The following B3GLCT variants were observed in gnomAD, a reference collection of about 807,000 sequenced individuals.
B3GLCT encodes the protein beta-1,3-glucosyltransferase.
B3GLCT carries 65 observed loss-of-function variants against 63.4 expected under a neutral mutation model. That is an observed-to-expected ratio of 1.03 (90% CI 0.84 to 1.26). The LOEUF (loss-of-function observed/expected upper bound fraction) is 1.26. Among genes scored for constraint, B3GLCT ranks in the 50% most tolerant of loss-of-function variants. The pLI is 0.00. For missense variants in B3GLCT, 577 were observed against 604.8 expected (o/e 0.95, Z 0.48); for synonymous variants, 233 against 219.2 (o/e 1.06, Z -0.55).
intron 7 of B3GLCT, among the ~76,000 whole-genome samples, chr13:31,264,906 G>C (rs1040452697): frequency 6.6e-6 from 1 of 152,198 alleles, no homozygotes; most frequent in Non-Finnish European, 1.5e-5. Flanking sequence ...ATTGGGGTGA[G>C]GTCTGTGGTT....
chr13:31,248,351 C>T (rs947863379), intron 6 of B3GLCT, among the ~76,000 whole-genome samples: 1 of 152,166 alleles, frequency 6.6e-6, no homozygotes, highest in African/African-American at 2.4e-5. Context: ...CAGCTGTATA[C>T]TGAGCACTGT....
intron 3 of B3GLCT, among the ~76,000 whole-genome samples, chr13:31,227,602 C>G (rs1379176589): frequency 6.6e-6 from 1 of 152,158 alleles, no homozygotes; most frequent in African/African-American, 2.4e-5. Context: ...ATTCAGTAGG[C>G]TGTTCAGCAT....
intron 12 of B3GLCT, among the ~76,000 whole-genome samples, chr13:31,309,676 C>T (rs1874600918): frequency 6.6e-6 from 1 of 152,048 alleles, no homozygotes; most frequent in Admixed American, 6.5e-5. Context: ...TGTGGAGCTT[C>T]CTTGCCCCAC....
In B3GLCT at chr13:31,308,356, A is replaced by AC. The variant is rs1246143170; in HGVS notation, c.1065-9210_1065-9209insC. Among the ~76,000 whole-genome samples, 145 of 17,188 alleles carry AC rather than the reference A, an allele frequency of 8.4e-3. 6 individuals carry two copies. Among genetic ancestry groups the AC allele is most frequent in the Admixed American group, 0.045 (49 of 1,090 alleles). The allele number at this position is 17,188 out of a possible 152,430, so 11.3% of individuals were successfully genotyped here. A position where few individuals can be genotyped will look rare whatever the true frequency, so the allele number is the denominator to read the frequency against. ...ATAAAAAAAAAAAAATTAAAAAAAA[A>AC]AAAACAAAAAAAAAAGCTAGTCCCA... On this transcript the variant is annotated intron_variant, in intron 12 of 14. Coordinates refer to ENST00000343307, the MANE Select transcript of B3GLCT (RefSeq NM_194318.4).
intron 12 of B3GLCT, among the ~76,000 whole-genome samples, chr13:31,316,118 A>T (rs1224030969): frequency 2.0e-5 from 3 of 152,058 alleles, no homozygotes; most frequent in African/African-American, 4.8e-5. Flanking sequence ...GGCAGTGCAG[A>T]AGGGAAATGT....
chr13:31,222,074 A>ATTTTT (rs5802597), intron 2 of B3GLCT, among the ~76,000 whole-genome samples: 8 of 92,952 alleles, frequency 8.6e-5, no homozygotes, highest in Non-Finnish European at 1.3e-4. Flanking sequence ...TGTGCTCCTG[A>ATTTTT]TTTTTTTTTT....
At chr13:31,276,385 A>G (rs1445365386) in intron 9 of B3GLCT, among the ~76,000 whole-genome samples, 1 of 152,196 alleles carries the variant, frequency 6.6e-6, no homozygotes, top group Non-Finnish European at 1.5e-5. Flanking sequence ...TATGTGCTTA[A>G]TAAATTATAG....
chr13:31,236,066 G>T (rs552518887), intron 4 of B3GLCT, among the ~76,000 whole-genome samples: 5 of 152,124 alleles, frequency 3.3e-5, no homozygotes, highest in Non-Finnish European at 5.9e-5. Flanking sequence ...GGCATTTCAC[G>T]TATGCACCCC....
intron 13 of B3GLCT, among the ~76,000 whole-genome samples, chr13:31,320,311 T>C (rs943937218): frequency 5.9e-5 from 9 of 152,168 alleles, no homozygotes; most frequent in Non-Finnish European, 8.8e-5. Flanking sequence ...GAGTCCTCAA[T>C]TTAATCTTCT....
intron 14 of B3GLCT, among the ~76,000 whole-genome samples, chr13:31,326,043 A>C (rs1396292000): frequency 6.6e-6 from 1 of 152,186 alleles, no homozygotes; most frequent in Non-Finnish European, 1.5e-5. Context: ...ACTAATGGAC[A>C]TGGCAGTGTG....
At chr13:31,249,203 A>G (rs1430244710) in intron 6 of B3GLCT, among the ~76,000 whole-genome samples, 4 of 152,230 alleles carry the variant, frequency 2.6e-5, no homozygotes, top group African/African-American at 9.6e-5. Flanking sequence ...CCAACCCTGG[A>G]AAGCCTGTTA....
At chr13:31,325,956 G>A (rs1566100975) in intron 14 of B3GLCT, among the ~76,000 whole-genome samples, 1 of 152,174 alleles carries the variant, frequency 6.6e-6, no homozygotes, top group Non-Finnish European at 1.5e-5. Context: ...GGACTCCAGG[G>A]AAAATCTAGT....
intron 8 of B3GLCT, among the ~76,000 whole-genome samples, chr13:31,271,962 G>A (rs988699442): frequency 6.6e-6 from 1 of 152,086 alleles, no homozygotes; most frequent in African/African-American, 2.4e-5. Context: ...TTGTTGACAT[G>A]AATATTTCAA....
chr13:31,281,103 A>G (rs1873046711), intron 10 of B3GLCT, among the ~76,000 whole-genome samples: 1 of 152,118 alleles, frequency 6.6e-6, no homozygotes, highest in Non-Finnish European at 1.5e-5. Flanking sequence ...GTTTGTGTAC[A>G]TGTCTCATGT....
chr13:31,221,348 G>A (rs371401586), intron 2 of B3GLCT, among the ~76,000 whole-genome samples: 71 of 152,338 alleles, frequency 4.7e-4, no homozygotes, highest in African/African-American at 1.7e-3. Context: ...CCTTCCCTGA[G>A]GGCAGGTTGT....
chr13:31,319,144 C>T (rs143801262), intron 13 of B3GLCT, among the ~76,000 whole-genome samples: 4 of 152,320 alleles, frequency 2.6e-5, no homozygotes, highest in Non-Finnish European at 5.9e-5. Context: ...TTTGCAAATA[C>T]ATTGCATAAT....
intron 6 of B3GLCT, among the ~76,000 whole-genome samples, chr13:31,253,300 G>T (rs920452492): frequency 2.0e-5 from 3 of 152,038 alleles, no homozygotes; most frequent in African/African-American, 4.8e-5. Context: ...ACAATTAAAA[G>T]AATAGAGAAG....
At chr13:31,266,988 C>G (rs1223318221) in intron 7 of B3GLCT, among the ~76,000 whole-genome samples, 1 of 152,138 alleles carries the variant, frequency 6.6e-6, no homozygotes, top group East Asian at 1.9e-4. Flanking sequence ...CCAGGCTGGT[C>G]TTGAACTCCT....
At chr13:31,288,613 CT>C (rs2137884352) in intron 12 of B3GLCT, among the ~76,000 whole-genome samples, 1 of 152,314 alleles carries the variant, frequency 6.6e-6, no homozygotes, top group South Asian at 2.1e-4. Context: ...CCCTAAGCCA[CT>C]GAGGAAATTA....
Sources: gnomAD v4.1 joint callset for allele counts (sites outside exome capture counted in the v4.1 genomes callset) on GRCh38, gnomAD v4.1.1 for gene constraint, MANE v1.5 for transcripts, NCBI Gene and HGNC (gene_info 2026-07-23, HGNC 2026-07-21) for gene names.